Variants in PPA2 observed in about 807,000 individuals in gnomAD.
PPA2 encodes inorganic pyrophosphatase 2.
In PPA2, 48 loss-of-function variants were observed where a neutral mutation model predicts 49.5. The observed-to-expected ratio is 0.97, with a 90% CI of 0.77 to 1.23. PPA2 has a LOEUF of 1.23. PPA2 is among the 50% of genes most tolerant of loss of function. PPA2 has a pLI of 0.00. For missense variants in PPA2, 429 were observed against 410.1 expected, an observed-to-expected ratio of 1.05 and a Z score of -0.40; for synonymous variants, 131 against 139.9, an observed-to-expected ratio of 0.94 and a Z score of 0.45.
intron 1 of PPA2, among the ~76,000 whole-genome samples, chr4:105,464,354 T>C (rs973382426): frequency 1.3e-5 from 2 of 152,250 alleles, no homozygotes; most frequent in African/African-American, 2.4e-5. Context: ...TGTGCCCCCA[T>C]TGTATCTAAG....
At chr4:105,395,375 C>G (rs72964228) in intron 9 of PPA2, among the ~76,000 whole-genome samples, 5,444 of 152,116 alleles carry the variant, frequency 0.036, 326 homozygotes, top group African/African-American at 0.12. Context: ...ATCTTTAGTA[C>G]CCCCACAGGA....
At chr4:105,434,867 C>G (rs920784113) in intron 6 of PPA2, among the ~76,000 whole-genome samples, 1 of 152,108 alleles carries the variant, frequency 6.6e-6, no homozygotes, top group African/African-American at 2.4e-5. Flanking sequence ...CCGTTAAAAA[C>G]TGGAAAGGAA....
intron 10 of PPA2, among the ~76,000 whole-genome samples, chr4:105,383,051 A>C (rs1263580666): frequency 1.3e-5 from 2 of 152,128 alleles, no homozygotes; most frequent in Admixed American, 1.3e-4. Flanking sequence ...GAACTATTAC[A>C]TACAGGGTCC....
At chr4:105,438,126 T>C in intron 5 of PPA2, 90 bp from the exon 6 acceptor site, 1 of 902,340 alleles carries the variant, frequency 1.1e-6, no homozygotes, top group Non-Finnish European at 1.6e-6. Flanking sequence ...GTTTTATAGA[T>C]AACAATAATC....
chr4:105,473,694 C>G, intron 1 of PPA2, 200 bp downstream of exon 1: 2 of 879,106 alleles, frequency 2.3e-6, no homozygotes, highest in Non-Finnish European at 1.9e-6. Context: ...GGGTCTTGAT[C>G]CGCCGCCTCC....
At chr4:105,472,665 A>G (rs17035640) in intron 1 of PPA2, among the ~76,000 whole-genome samples, 2,701 of 152,304 alleles carry the variant, frequency 0.018, 72 homozygotes, top group African/African-American at 0.059. Flanking sequence ...CATAGGGTGA[A>G]AACTGCAACC....
In PPA2 at chr4:105,439,847, C is replaced by T. The variant is rs1419671263; in HGVS notation, c.442-1811G>A. Among the ~76,000 whole-genome samples, 20 of 122,008 alleles carry T rather than the reference C, an allele frequency of 1.6e-4. 1 individual carries two copies. Among genetic ancestry groups the T allele is most frequent in the African/African-American group, 6.2e-4 (20 of 32,166 alleles). The allele number at this position is 122,008 out of a possible 152,430, so 80.0% of individuals were successfully genotyped here. A position where few individuals can be genotyped will look rare whatever the true frequency, so the allele number is the denominator to read the frequency against. ...GCTATCCCTCCCCCCTCCCCCCACC[C>T]GACAACAGTCCCCAGTGTGTGATGC... On this transcript the variant is annotated intron_variant, in intron 5 of 11. Transcript: ENST00000341695.
intron 5 of PPA2, among the ~76,000 whole-genome samples, chr4:105,440,763 C>T (rs1335142279): frequency 1.3e-5 from 2 of 152,096 alleles, no homozygotes; most frequent in African/African-American, 4.8e-5. Flanking sequence ...GTTGTGGTGA[C>T]TATTTCTGTT....
chr4:105,394,468 C>T (rs1734055171), intron 9 of PPA2, among the ~76,000 whole-genome samples: 1 of 151,062 alleles, frequency 6.6e-6, no homozygotes, highest in Non-Finnish European at 1.5e-5. Flanking sequence ...TTACCTAAAT[C>T]TTTATGTGGA....
At chr4:105,427,694 CTA>C (rs1335971072) in intron 6 of PPA2, among the ~76,000 whole-genome samples, 1 of 152,074 alleles carries the variant, frequency 6.6e-6, no homozygotes, top group Non-Finnish European at 1.5e-5. Flanking sequence ...AAATATAGGA[CTA>C]TGTGAAAAGA....
At chr4:105,375,514 T>C (rs1213152730) in intron 10 of PPA2, among the ~76,000 whole-genome samples, 2 of 152,150 alleles carry the variant, frequency 1.3e-5, no homozygotes, top group African/African-American at 4.8e-5. Flanking sequence ...CTAAGATCAG[T>C]TCTACTCTAA....
At chr4:105,372,822 A>T (rs1733080218) in intron 10 of PPA2, among the ~76,000 whole-genome samples, 1 of 152,228 alleles carries the variant, frequency 6.6e-6, no homozygotes, top group African/African-American at 2.4e-5. Flanking sequence ...GTATATGCAC[A>T]TCCAATTGGT....
intron 9 of PPA2, 93 bp from the exon 10 acceptor site, chr4:105,386,729 T>C (rs1733702299): frequency 1.1e-6 from 1 of 928,230 alleles, no homozygotes. Flanking sequence ...ACTCCACATC[T>C]GTTGTATAAT....
intron 9 of PPA2, among the ~76,000 whole-genome samples, chr4:105,389,214 G>A (rs1285040674): frequency 6.6e-6 from 1 of 152,028 alleles, no homozygotes; most frequent in Admixed American, 6.6e-5. Flanking sequence ...TGTAAAAATA[G>A]TTGTTTAACA....
chr4:105,386,746 C>A, intron 9 of PPA2, 110 bp from the exon 10 acceptor site: 2 of 788,758 alleles, frequency 2.5e-6, no homozygotes, highest in Non-Finnish European at 4.0e-6. Context: ...TAATTTTAAC[C>A]AATGAATAGA....
At position 105,409,317 on chromosome 4, in the gene PPA2, C is replaced by A. The variant is rs193209886; in HGVS notation, c.656-10153G>T. Among the ~76,000 whole-genome samples the A allele has an allele frequency of 1.8e-3, 269 of 152,340 alleles. 1 individual carries two copies. Among genetic ancestry groups the A allele is most frequent in the African/African-American group, 5.7e-3 (238 of 41,580 alleles). On this transcript the variant is annotated intron_variant, in intron 7 of 11. Transcript: ENST00000341695. The stretch of plus-strand genomic sequence containing the variant: ...CACTGCTAGCGCAGCAGTCTAAGAT[C>A]GGCCTGTGAGACGGCAGCCTGGTGG...
At chr4:105,395,799 T>A (rs1560610928) in intron 9 of PPA2, among the ~76,000 whole-genome samples, 2 of 152,188 alleles carry the variant, frequency 1.3e-5, no homozygotes, top group Admixed American at 1.3e-4. Context: ...GGCTCAGCCC[T>A]ATATCCAAAA....
At chr4:105,387,367 T>A (rs1242034966) in intron 9 of PPA2, among the ~76,000 whole-genome samples, 1 of 152,162 alleles carries the variant, frequency 6.6e-6, no homozygotes, top group African/African-American at 2.4e-5. Context: ...CCAAATTAAC[T>A]TTTTTAAATA....
intron 7 of PPA2, among the ~76,000 whole-genome samples, chr4:105,408,370 A>AT (rs1346437357): frequency 6.6e-6 from 1 of 151,858 alleles, no homozygotes; most frequent in Non-Finnish European, 1.5e-5. Flanking sequence ...GAGAATCTGG[A>AT]TTTTTCTGTA....
Sources: gnomAD v4.1 joint callset for allele counts (sites outside exome capture counted in the v4.1 genomes callset) on GRCh38, gnomAD v4.1.1 for gene constraint, MANE v1.5 for transcripts, NCBI Gene and HGNC (gene_info 2026-07-23, HGNC 2026-07-21) for gene names.